KLHL32: variants seen among roughly 807,000 people sequenced by gnomAD.
The protein encoded by KLHL32 is kelch-like protein 32.
KLHL32 carries 35 observed loss-of-function variants against 64.8 expected under a neutral mutation model. That is an observed-to-expected ratio of 0.54 (90% CI 0.41 to 0.72). KLHL32 has a LOEUF of 0.72. KLHL32 is among the 30% of genes least tolerant of loss of function. The probability of loss-of-function intolerance (pLI) is 0.00; values close to 1 mark genes in which losing one functional copy is unlikely to be tolerated. For missense variants in KLHL32, 589 were observed against 768.5 expected (o/e 0.77, Z 2.76); for synonymous variants, 259 against 281.0 (o/e 0.92, Z 0.78).
Position 97,114,307 on chromosome 6 carries a change from G to GA in KLHL32, c.1157dup (p.Asn386LysfsTer23). On this transcript the variant is annotated frameshift_variant, in exon 7 of 11. Coordinates refer to ENST00000369261, the MANE Select transcript of KLHL32 (RefSeq NM_052904.4). LOFTEE classifies it high-confidence loss of function. ...ATTCCTGGGCAGAGATAGCACCCAT[G>GA]AAAAACTGCCGGGAGCATTTTGTGC... is the stretch of plus-strand genomic sequence containing the variant. 6.2e-7 allele frequency: 1 copy of GA among 1,614,140 alleles called. No homozygotes were observed. The highest frequency in any genetic ancestry group is 8.5e-7 in the Non-Finnish European group (1 of 1,180,016).
chr6:97,097,778 G>T (rs1036016132), intron 6 of KLHL32, among the ~76,000 whole-genome samples: 10 of 152,036 alleles, frequency 6.6e-5, no homozygotes, highest in Non-Finnish European at 7.4e-5. Flanking sequence ...CATTCCGATT[G>T]TGCAGTGGGA....
At chr6:96,906,092 A>G in the KLHL32 span, among the ~76,000 whole-genome samples, 1 of 152,116 alleles carries the variant, frequency 6.6e-6, no homozygotes, top group African/African-American at 2.4e-5. Flanking sequence ...AGTGCACACA[A>G]TCCTCTGCCG....
At chr6:96,998,322 A>G (rs1219615162) in intron 3 of KLHL32, among the ~76,000 whole-genome samples, 1 of 152,206 alleles carries the variant, frequency 6.6e-6, no homozygotes, top group Non-Finnish European at 1.5e-5. Context: ...CTGTAATTAG[A>G]ATCTGCTCGT....
At chr6:96,936,213 G>C (rs1199421873) in intron 1 of KLHL32, among the ~76,000 whole-genome samples, 6 of 152,186 alleles carry the variant, frequency 3.9e-5, no homozygotes, top group East Asian at 1.9e-4. Context: ...GATAAAGAAT[G>C]CTAAGAATCA....
chr6:97,094,180 A>G (rs980957606), intron 6 of KLHL32, among the ~76,000 whole-genome samples: 2 of 152,124 alleles, frequency 1.3e-5, no homozygotes, highest in Non-Finnish European at 2.9e-5. Flanking sequence ...CTTTTTCTTC[A>G]ATGTTAGGCC....
intron 3 of KLHL32, among the ~76,000 whole-genome samples, chr6:97,011,124 G>A (rs1780354795): frequency 6.6e-6 from 1 of 152,196 alleles, no homozygotes; most frequent in African/African-American, 2.4e-5. Context: ...GAATTATCAT[G>A]TATGCCATCA....
At chr6:97,072,217 T>C (rs1366305608) in intron 5 of KLHL32, among the ~76,000 whole-genome samples, 1 of 152,098 alleles carries the variant, frequency 6.6e-6, no homozygotes, top group East Asian at 1.9e-4. Context: ...TTGTTAAATC[T>C]CTCTCATTGT....
At chr6:97,138,577 A>G (rs960522414) in intron 10 of KLHL32, among the ~76,000 whole-genome samples, 2 of 152,130 alleles carry the variant, frequency 1.3e-5, no homozygotes, top group Admixed American at 1.3e-4. Context: ...AAAAACAAAC[A>G]AAACAAACAA....
chr6:96,977,301 A>G (rs1775813831), intron 3 of KLHL32, among the ~76,000 whole-genome samples: 1 of 152,226 alleles, frequency 6.6e-6, no homozygotes, highest in East Asian at 1.9e-4. Context: ...GTAAGAAGTC[A>G]CACAGTTCCT....
chr6:97,024,294 T>C (rs1035357290), intron 3 of KLHL32, among the ~76,000 whole-genome samples: 1 of 152,220 alleles, frequency 6.6e-6, no homozygotes, highest in Admixed American at 6.5e-5. Flanking sequence ...AGCAGCCACA[T>C]AGCTGCTGTA....
chr6:96,971,764 G>A (rs1264798045), intron 2 of KLHL32, among the ~76,000 whole-genome samples: 2 of 152,100 alleles, frequency 1.3e-5, no homozygotes, highest in Admixed American at 1.3e-4. Context: ...ATATCCCTGG[G>A]AACTCATAGA....
At chr6:97,067,976 A>G (rs1790071507) in intron 5 of KLHL32, among the ~76,000 whole-genome samples, 1 of 150,474 alleles carries the variant, frequency 6.6e-6, no homozygotes, top group Non-Finnish European at 1.5e-5. Flanking sequence ...TTTAGATTGT[A>G]CCAAGGGGTA....
rs142007783 is a variant in KLHL32, at chr6:97,064,129, G to A, written c.313-499G>A. Among the ~76,000 whole-genome samples, 232 of 152,318 alleles carry A rather than the reference G, an allele frequency of 1.5e-3. 1 individual carries two copies. The highest frequency in any genetic ancestry group is 5.4e-3 in the African/African-American group (225 of 41,568). ...AAGTTTGCGTATGAAGCTTACTGTT[G>A]TAGGACTTAGAAGTAAAATGGACTA... On this transcript the variant is annotated intron_variant, in intron 4 of 10. Transcript: ENST00000369261.
At chr6:96,942,266 T>TC (rs1438631025) in intron 1 of KLHL32, among the ~76,000 whole-genome samples, 1 of 152,142 alleles carries the variant, frequency 6.6e-6, no homozygotes, top group East Asian at 1.9e-4. Context: ...ACTACTGCTG[T>TC]CCCCCTCACC....
chr6:97,006,697 T>C (rs1463654430), intron 3 of KLHL32, among the ~76,000 whole-genome samples: 4 of 152,204 alleles, frequency 2.6e-5, no homozygotes, highest in Non-Finnish European at 4.4e-5. Flanking sequence ...TGGTAATGAA[T>C]TCCTGTACCA....
At chr6:97,102,990 C>A (rs1394746825) in intron 6 of KLHL32, among the ~76,000 whole-genome samples, 1 of 151,748 alleles carries the variant, frequency 6.6e-6, no homozygotes, top group African/African-American at 2.4e-5. Flanking sequence ...CCTCCTCCCC[C>A]ACCCTCCACC....
intron 1 of KLHL32, among the ~76,000 whole-genome samples, chr6:96,947,300 GTT>G (rs1382558803): frequency 4.4e-4 from 67 of 152,314 alleles, no homozygotes; most frequent in African/African-American, 1.6e-3. Flanking sequence ...GCACAGCTGA[GTT>G]CTCTGAACCT....
chr6:96,946,410 CAGTT>C (rs1771924924), intron 1 of KLHL32, among the ~76,000 whole-genome samples: 1 of 152,078 alleles, frequency 6.6e-6, no homozygotes, highest in Admixed American at 6.6e-5. Context: ...CTTGTGTAGA[CAGTT>C]AGCTCCACAG....
intron 1 of KLHL32, among the ~76,000 whole-genome samples, chr6:96,951,001 A>C (rs72924793): frequency 0.099 from 15,069 of 152,290 alleles, 794 homozygotes; most frequent in Middle Eastern, 0.16. Flanking sequence ...GTTTGAACAA[A>C]AAAAAAGTAC....
Sources: gnomAD v4.1 joint callset for allele counts (sites outside exome capture counted in the v4.1 genomes callset) on GRCh38, gnomAD v4.1.1 for gene constraint, MANE v1.5 for transcripts, NCBI Gene and HGNC (gene_info 2026-07-23, HGNC 2026-07-21) for gene names.